TMEM165: variants seen among roughly 807,000 people sequenced by gnomAD.
The protein encoded by TMEM165 is putative divalent cation/proton antiporter TMEM165.
Under a neutral mutation model 30.0 loss-of-function variants are expected in TMEM165, and 19 were observed. That is an observed-to-expected ratio of 0.63 (90% confidence interval 0.44 to 0.93). The LOEUF (loss-of-function observed/expected upper bound fraction) is 0.93. TMEM165 is among the 40% of genes least tolerant of loss of function. The pLI, the probability that TMEM165 is intolerant of heterozygous loss-of-function variation, is 0.00. For missense variants in TMEM165, 340 were observed against 417.0 expected, an observed-to-expected ratio of 0.82 and a Z score of 1.61; for synonymous variants, 168 against 162.9, an observed-to-expected ratio of 1.03 and a Z score of -0.24.
intron 3 of TMEM165, chr4:55,435,593 G>C (rs764082162): frequency 1.2e-6 from 2 of 1,613,710 alleles, no homozygotes; most frequent in South Asian, 2.2e-5. Flanking sequence ...CAACCTAGAA[G>C]TCTAAAAAAC....
chr4:55,396,435 C>G (rs150999274), intron 1 of TMEM165, 39 bp downstream of exon 1: 15 of 1,379,150 alleles, frequency 1.1e-5, no homozygotes, highest in Non-Finnish European at 1.4e-5. Context: ...GCTGCAGGGC[C>G]GGCTGCGCCG....
At chr4:55,436,478 G>GTTC (rs1722884874) in intron 3 of TMEM165, among the ~76,000 whole-genome samples, 1 of 152,160 alleles carries the variant, frequency 6.6e-6, no homozygotes, top group South Asian at 2.1e-4. Context: ...AATGTTAACA[G>GTTC]AAAGAAAGTG....
chr4:55,411,670 A>G lies in TMEM165; in HGVS notation c.264A>G (p.Gln88=). ...VHTNKEDPAT[Q]TNLGFIHAFV... ...CCAATAAAGAAGATCCTGCTACCCA[A>G]ACTAATTTGGGATTTATCCATGCAT... Residue 88 remains glutamine, a synonymous_variant, in exon 2 of 6, where the codon CAA becomes CAG. Coordinates refer to ENST00000381334, the MANE Select transcript of TMEM165 (RefSeq NM_018475.5). The G allele has an allele frequency of 1.9e-6, 3 of 1,614,202 alleles. No homozygotes were observed. The highest frequency in any genetic ancestry group is 2.5e-6 in the Non-Finnish European group (3 of 1,180,040).
chr4:55,402,403 G>GTGTA (rs1334888892), intron 1 of TMEM165, among the ~76,000 whole-genome samples: 39 of 48,162 alleles, frequency 8.1e-4, no homozygotes, highest in African/African-American at 1.8e-3. Flanking sequence ...GTGTGTGTGT[G>GTGTA]TATATATATA....
chr4:55,448,939 CA>C, intron 3 of TMEM165: 25 of 1,151,506 alleles, frequency 2.2e-5, no homozygotes, highest in Non-Finnish European at 3.1e-5. Context: ...GCAGAAATAT[CA>C]ATATGATATT....
At chr4:55,444,029 T>C in intron 3 of TMEM165, 3 of 689,522 alleles carry the variant, frequency 4.4e-6, no homozygotes, top group Non-Finnish European at 7.3e-6. Flanking sequence ...TTTGAAGAAT[T>C]AGCAATAAAT....
At chr4:55,448,497 A>C (rs1423792478) in intron 3 of TMEM165, among the ~76,000 whole-genome samples, 4 of 152,100 alleles carry the variant, frequency 2.6e-5, no homozygotes, top group Non-Finnish European at 5.9e-5. Flanking sequence ...GATACCCCAC[A>C]ATCATTACAA....
chr4:55,438,545 A>G (rs1200267418), intron 3 of TMEM165: 6 of 1,612,878 alleles, frequency 3.7e-6, no homozygotes, highest in Non-Finnish European at 5.1e-6. Context: ...AATCTGTTAG[A>G]AGAAAGAAGG....
At chr4:55,397,772 G>A (rs1486783215) in intron 1 of TMEM165, among the ~76,000 whole-genome samples, 1 of 151,032 alleles carries the variant, frequency 6.6e-6, no homozygotes, top group African/African-American at 2.4e-5. Context: ...GTTGAGACAG[G>A]GTCTCGCTCT....
intron 3 of TMEM165, among the ~76,000 whole-genome samples, chr4:55,446,007 C>G (rs1723810099): frequency 6.6e-6 from 1 of 151,786 alleles, no homozygotes; most frequent in South Asian, 2.1e-4. Context: ...CTTCTGGCTT[C>G]TGACTGGATA....
chr4:55,400,837 A>G lies in TMEM165; in HGVS notation c.207+4441A>G, dbSNP rs534892270. Among the ~76,000 whole-genome samples, 8 of 150,734 alleles carry G rather than the reference A, an allele frequency of 5.3e-5. No individual in the cohort carries two copies. The South Asian group carries it at 1.5e-3, about 27-fold the overall frequency. The stretch of plus-strand genomic sequence containing the variant: ...TTTTCTTTCACATGTTTTCTAAACT[A>G]TGTAATATAAGTGTCATTGGCTATT... On this transcript the variant is annotated intron_variant, in intron 1 of 5. Transcript: ENST00000381334.
In TMEM165 at chr4:55,402,877, T is replaced by C. The variant is rs1267307915; in HGVS notation, c.207+6481T>C. Reference sequence around the variant, plus strand: ...CGTGATCTCGGCTCACTGCAAGCTCTGCCTCCCGGGTTCACGCCATTCTCC... The same window carrying C: ...CGTGATCTCGGCTCACTGCAAGCTCCGCCTCCCGGGTTCACGCCATTCTCC... On this transcript the variant is annotated intron_variant, in intron 1 of 5. Transcript: ENST00000381334. Among the ~76,000 whole-genome samples the C allele has an allele frequency of 2.9e-5, 4 of 137,492 alleles. No homozygotes were observed. The East Asian group carries it at 7.4e-4, about 25-fold the overall frequency. 90.2% of individuals were successfully genotyped at this position (137,492 alleles called of 152,430 possible). A position where few individuals can be genotyped will look rare whatever the true frequency, so the allele number is the denominator to read the frequency against.
At chr4:55,440,038 A>G (rs2109661853) in intron 3 of TMEM165, among the ~76,000 whole-genome samples, 1 of 152,316 alleles carries the variant, frequency 6.6e-6, no homozygotes, top group Admixed American at 6.5e-5. Flanking sequence ...ATCTATAAAA[A>G]AAAACCTTTT....
chr4:55,404,752 C>G (rs1243477223), intron 1 of TMEM165, among the ~76,000 whole-genome samples: 1 of 152,122 alleles, frequency 6.6e-6, no homozygotes, highest in Non-Finnish European at 1.5e-5. Context: ...TTGAAAGAAT[C>G]TTGTAAGTTA....
Position 55,425,735 on chromosome 4 carries a change from T to C in TMEM165, c.*283T>C, listed in dbSNP as rs908963324. ...GGTGCAGAACCGTTGTGCAGTGGGG[T>C]CTACCATGCAATTTTCTTTCAGCAC... On this transcript the variant is annotated 3_prime_UTR_variant, in exon 6 of 6. Transcript: ENST00000381334. The C allele has an allele frequency of 4.2e-6, 1 of 235,588 alleles. No homozygotes were observed. Among genetic ancestry groups the C allele is most frequent in the African/African-American group, 2.3e-5 (1 of 44,228 alleles). The allele number at this position is 235,588 out of a possible 1,614,324, so 14.6% of individuals were successfully genotyped here. A position where few individuals can be genotyped will look rare whatever the true frequency, so the allele number is the denominator to read the frequency against.
downstream of TMEM165, chr4:55,429,034 ATTG>A (rs1577649944): frequency 1.4e-5 from 2 of 138,222 alleles, no homozygotes; most frequent in East Asian, 4.2e-4. Context: ...CTTGAAGATG[ATTG>A]TCTGGTTATA....
chr4:55,402,497 G>C (rs1241812129), intron 1 of TMEM165, among the ~76,000 whole-genome samples: 2 of 121,686 alleles, frequency 1.6e-5, no homozygotes, highest in Non-Finnish European at 3.2e-5. Flanking sequence ...ACCCAGGCTG[G>C]AGTGCAGTGG....
intron 1 of TMEM165, among the ~76,000 whole-genome samples, chr4:55,406,696 G>C (rs60097207): frequency 0.23 from 34,783 of 152,044 alleles, 4,541 homozygotes; most frequent in South Asian, 0.37. Context: ...GTCTCACTCT[G>C]TTGCCCAGGC....
chr4:55,422,258 A>G (rs1483444215), intron 4 of TMEM165, among the ~76,000 whole-genome samples: 1 of 152,004 alleles, frequency 6.6e-6, no homozygotes. Flanking sequence ...TCTCTGTAAC[A>G]GGTTTATTGA....
Sources: gnomAD v4.1 joint callset for allele counts (sites outside exome capture counted in the v4.1 genomes callset) on GRCh38, gnomAD v4.1.1 for gene constraint, MANE v1.5 for transcripts, NCBI Gene and HGNC (gene_info 2026-07-23, HGNC 2026-07-21) for gene names.